Variants in NFRKB observed in about 807,000 individuals in gnomAD.
The protein encoded by NFRKB is nuclear factor related to kappa-B-binding protein.
NFRKB carries 62 observed loss-of-function variants against 135.7 expected under a neutral mutation model. The ratio of observed to expected loss-of-function variants is 0.46; its 90% confidence interval spans 0.37 to 0.56. The LOEUF is 0.56. NFRKB is among the 20% of genes least tolerant of loss of function. The pLI is 0.00. For missense variants in NFRKB, 1,545 were observed against 1,662.0 expected, an observed-to-expected ratio of 0.93 and a Z score of 1.22; for synonymous variants, 678 against 635.6, an observed-to-expected ratio of 1.07 and a Z score of -1.00.
intron 24 of NFRKB, 57 bp from the exon 25 acceptor site, chr11:129,866,040 T>C: frequency 7.0e-7 from 1 of 1,429,772 alleles, no homozygotes; most frequent in East Asian, 2.3e-5. Context: ...AACCAGCAAG[T>C]GTCACCTCCA....
chr11:129,865,201 A>C, intron 25 of NFRKB, 100 bp from the exon 26 acceptor site: 4 of 1,395,884 alleles, frequency 2.9e-6, no homozygotes, highest in East Asian at 2.3e-5. Flanking sequence ...GGTCTGTGCC[A>C]ATGAAAATCC....
At chr11:129,895,251 C>T (rs899742537) in intron 1 of NFRKB, among the ~76,000 whole-genome samples, 8 of 152,208 alleles carry the variant, frequency 5.3e-5, no homozygotes, top group Non-Finnish European at 1.0e-4. Context: ...AATTCCCCTC[C>T]GGTGCCAGCC....
rs143475156 is a variant in NFRKB, at chr11:129,873,142, C to A, written c.2551-46G>T. On this transcript the variant is annotated intron_variant, in intron 22 of 26. Transcript: ENST00000682444. ...AAGAGCTTAATTAGACTCTAAGATG[C>A]AGACCAGCACTCTAAGCAAGAGTCT... is the stretch of plus-strand genomic sequence containing the variant. The A allele has an allele frequency of 1.1e-3, 1,550 of 1,475,042 alleles. 23 individuals are homozygous for A. In the East Asian group the frequency reaches 0.033, roughly 31 times the overall value. The allele number at this position is 1,475,042 out of a possible 1,614,324, so 91.4% of individuals were successfully genotyped here. A position where few individuals can be genotyped will look rare whatever the true frequency, so the allele number is the denominator to read the frequency against.
chr11:129,871,580 C>T (rs1312307545), intron 23 of NFRKB, among the ~76,000 whole-genome samples: 1 of 152,118 alleles, frequency 6.6e-6, no homozygotes, highest in Non-Finnish European at 1.5e-5. Flanking sequence ...TCTCACCTTC[C>T]TCCTCTCAGA....
chr11:129,887,232 T>C (rs759760382), intron 4 of NFRKB, among the ~76,000 whole-genome samples: 7 of 152,166 alleles, frequency 4.6e-5, no homozygotes, highest in Non-Finnish European at 1.0e-4. Flanking sequence ...ACTGATGCAG[T>C]TGAGAATCAC....
Position 129,873,825 on chromosome 11 carries a change from C to A in NFRKB, c.2470G>T (p.Ala824Ser). 1 of 1,614,184 alleles carries A rather than the reference C, an allele frequency of 6.2e-7. No individual in the cohort carries two copies. Among genetic ancestry groups the A allele is most frequent in the Non-Finnish European group, 8.5e-7 (1 of 1,180,046 alleles). ...PAVPQQSGGP[A>S]QTLPQMPAGP... is the part of the protein sequence containing the mutation. ...GCTGGCATCTGTGGCAATGTCTGTG[C>A]CGGCCCTCCCGACTGCTGGGGAACA... is the stretch of plus-strand genomic sequence containing the variant. Residue 824 changes from alanine to serine, a missense_variant, in exon 22 of 27, where the codon GCA (alanine) becomes TCA (serine). By Grantham distance (99) the Ala-to-Ser change is moderately conservative. Coordinates refer to ENST00000682444, the MANE Select transcript of NFRKB (RefSeq NM_001143835.2).
intron 2 of NFRKB, chr11:129,893,112 A>C (rs369586428): frequency 1.2e-5 from 17 of 1,374,694 alleles, no homozygotes; most frequent in African/African-American, 2.9e-5. Flanking sequence ...CTAAATTCAT[A>C]AATTTCATAT....
chr11:129,865,801 C>T (rs929592542), intron 25 of NFRKB, 76 bp downstream of exon 25: 23 of 1,319,334 alleles, frequency 1.7e-5, no homozygotes, highest in Admixed American at 5.3e-5. Flanking sequence ...CTTTGCCACT[C>T]GGTGACAAGG....
chr11:129,871,970 C>G (rs55693840), intron 23 of NFRKB, among the ~76,000 whole-genome samples: 2 of 152,262 alleles, frequency 1.3e-5, no homozygotes, highest in Admixed American at 1.3e-4. Context: ...ATTTTCCTCT[C>G]GTTCCTCAAT....
chr11:129,878,580 T>C, intron 13 of NFRKB, 37 bp from the exon 14 acceptor site: 2 of 1,534,622 alleles, frequency 1.3e-6, no homozygotes, highest in East Asian at 4.5e-5. Flanking sequence ...AATAAGAAGG[T>C]CTAAGGTATT....
At chr11:129,883,040 CATTT>C in intron 9 of NFRKB, 78 bp downstream of exon 9, 1 of 1,260,880 alleles carries the variant, frequency 7.9e-7, no homozygotes. Flanking sequence ...GCCATGGTTT[CATTT>C]ATTTTTGCCA....
rs377538343 is a variant in NFRKB, at chr11:129,869,702, G to A, written c.3323C>T (p.Ala1108Val). The change falls in exon 24 of 27, where the codon GCA (alanine) becomes GTA (valine). Residue 1108 changes from alanine (A) to valine (V), a missense_variant. By Grantham distance (64) the Ala-to-Val change is moderately conservative (BLOSUM62 0). Coordinates refer to ENST00000682444, the MANE Select transcript of NFRKB (RefSeq NM_001143835.2). ...CGAGGCCCCTTGCTTGGCGTGGGTT[G>A]CAACGGTGATGGTCTGGCCTGCTTT... ...PPKAGQTITVATHAKQGASVA... is the reference protein window; with the variant it reads ...PPKAGQTITVVTHAKQGASVA... 1 of 1,614,228 alleles carries A rather than the reference G, an allele frequency of 6.2e-7. No homozygotes were observed. Among genetic ancestry groups the A allele is most frequent in the Non-Finnish European group, 8.5e-7 (1 of 1,180,032 alleles).
intron 8 of NFRKB, among the ~76,000 whole-genome samples, chr11:129,883,803 T>C (rs1003332307): frequency 1.3e-5 from 2 of 152,236 alleles, no homozygotes; most frequent in Non-Finnish European, 2.9e-5. Flanking sequence ...CCCTAACCTC[T>C]TGAGCACTGC....
intron 17 of NFRKB, among the ~76,000 whole-genome samples, 195 bp from the exon 18 acceptor site, chr11:129,875,658 T>C (rs1175750541): frequency 6.8e-6 from 1 of 147,282 alleles, no homozygotes; most frequent in African/African-American, 2.5e-5. Context: ...ACTTCTTTTT[T>C]TTTTTTTTTT....
intron 18 of NFRKB, 46 bp downstream of exon 18, chr11:129,875,310 TA>T (rs1427201255): frequency 1.7e-5 from 24 of 1,444,870 alleles, no homozygotes; most frequent in Non-Finnish European, 9.5e-7. Context: ...TAAGTTTTCT[TA>T]AATCCATTCT....
intron 4 of NFRKB, among the ~76,000 whole-genome samples, chr11:129,887,212 C>G (rs974093207): frequency 1.3e-5 from 2 of 152,128 alleles, no homozygotes; most frequent in African/African-American, 2.4e-5. Context: ...TTGCAACCCC[C>G]AATATAGTAA....
chr11:129,868,127 A>C (rs1948297545), intron 24 of NFRKB, among the ~76,000 whole-genome samples: 1 of 152,196 alleles, frequency 6.6e-6, no homozygotes, highest in Non-Finnish European at 1.5e-5. Context: ...AATTATAAAG[A>C]TCTGTAGAGC....
intron 24 of NFRKB, among the ~76,000 whole-genome samples, chr11:129,867,320 CTCT>C (rs937543737): frequency 2.7e-5 from 4 of 147,178 alleles, no homozygotes; most frequent in African/African-American, 1.0e-4. Flanking sequence ...ACCTAAGTAA[CTCT>C]TTTTTTTTTT....
Position 129,875,455 on chromosome 11 carries a change from C to A in NFRKB, c.1756G>T (p.Ala586Ser), listed in dbSNP as rs1411585753. The A allele has an allele frequency of 2.5e-6, 4 of 1,602,930 alleles. No individual in the cohort carries two copies. Among genetic ancestry groups the A allele is most frequent in the Admixed American group, 1.7e-5 (1 of 58,016 alleles). Reference sequence around the variant, plus strand: ...TCTCCATTAGGCAGTCGAGCCGCAGCGTCCCGAACTGATGACATGAGAAAG... The same window carrying A: ...TCTCCATTAGGCAGTCGAGCCGCAGAGTCCCGAACTGATGACATGAGAAAG... ...YVTILSLVRD[A>S]AARLPNGEGT... The change falls in exon 18 of 27, where the codon GCT becomes TCT. Residue 586 changes from alanine to serine, a missense_variant. Ala to Ser is a moderately conservative substitution (Grantham distance 99). This residue lies in a region of NFRKB where 114 missense variants were observed against 211.0 expected (regional missense o/e 0.54). Coordinates refer to ENST00000682444, the MANE Select transcript of NFRKB (RefSeq NM_001143835.2).
Sources: gnomAD v4.1 joint callset for allele counts (sites outside exome capture counted in the v4.1 genomes callset) on GRCh38, gnomAD v4.1.1 for gene constraint, gnomAD v4.1.1 regional missense constraint, MANE v1.5 for transcripts, NCBI Gene and HGNC (gene_info 2026-07-23, HGNC 2026-07-21) for gene names.